The following MARCHF1 variants were observed in gnomAD, a reference collection of about 807,000 sequenced individuals.
MARCHF1 encodes membrane associated ring-CH-type finger 1.
MARCHF1 carries 40 observed loss-of-function variants against 54.2 expected under a neutral mutation model. The ratio of observed to expected loss-of-function variants is 0.74; its 90% CI spans 0.57 to 0.96. MARCHF1 has a LOEUF of 0.96. MARCHF1 is among the 40% of genes least tolerant of loss of function. The pLI is 0.00. For missense variants in MARCHF1, 586 were observed against 656.5 expected, an observed-to-expected ratio of 0.89 and a Z score of 1.17; for synonymous variants, 236 against 236.3, an observed-to-expected ratio of 1.00 and a Z score of 0.01.
intron 1 of MARCHF1, among the ~76,000 whole-genome samples, chr4:164,200,218 A>G (rs1026989839): frequency 1.3e-5 from 2 of 152,172 alleles, no homozygotes; most frequent in Non-Finnish European, 2.9e-5. Context: ...TCATCTTACA[A>G]TTTGGATTCC....
intron 3 of MARCHF1, among the ~76,000 whole-genome samples, chr4:163,943,439 T>A (rs1328795263): frequency 6.6e-6 from 1 of 152,120 alleles, no homozygotes; most frequent in Non-Finnish European, 1.5e-5. Context: ...ATCTATTGAA[T>A]AGGGAGTCTT....
At chr4:163,537,542 A>C (rs1303449471) in intron 9 of MARCHF1, among the ~76,000 whole-genome samples, 1 of 152,144 alleles carries the variant, frequency 6.6e-6, no homozygotes. Flanking sequence ...GCATCTGCTC[A>C]TTTATCTGAG....
intron 4 of MARCHF1, among the ~76,000 whole-genome samples, chr4:163,830,564 C>T (rs185783317): frequency 3.3e-5 from 5 of 152,170 alleles, no homozygotes; most frequent in South Asian, 2.1e-4. Context: ...GTAAAAACTG[C>T]TTTTCTCAGA....
chr4:163,648,727 G>A (rs574927871), intron 5 of MARCHF1, among the ~76,000 whole-genome samples: 25 of 150,534 alleles, frequency 1.7e-4, no homozygotes, highest in East Asian at 3.9e-4. Flanking sequence ...AAATAACAGC[G>A]TATATATAAA....
chr4:163,998,090 G>A (rs1289624094), intron 2 of MARCHF1, among the ~76,000 whole-genome samples: 2 of 150,230 alleles, frequency 1.3e-5, no homozygotes, highest in African/African-American at 4.9e-5. Flanking sequence ...AAAGGTGAGA[G>A]GGCATAAAAT....
intron 5 of MARCHF1, among the ~76,000 whole-genome samples, chr4:163,616,050 T>C (rs1027907600): frequency 2.0e-5 from 3 of 152,160 alleles, no homozygotes; most frequent in Non-Finnish European, 1.5e-5. Flanking sequence ...TATCTTTCAC[T>C]ATATATAAAA....
intron 3 of MARCHF1, among the ~76,000 whole-genome samples, chr4:163,974,101 C>G (rs750637890): frequency 6.6e-6 from 1 of 152,150 alleles, no homozygotes; most frequent in Non-Finnish European, 1.5e-5. Context: ...ATGAGAGTAC[C>G]TATGTGTGGT....
At chr4:164,065,457 A>C (rs1220377181) in intron 2 of MARCHF1, among the ~76,000 whole-genome samples, 1 of 152,206 alleles carries the variant, frequency 6.6e-6, no homozygotes, top group Non-Finnish European at 1.5e-5. Flanking sequence ...AATTAAACTA[A>C]AGAGCTTCCA....
intron 2 of MARCHF1, among the ~76,000 whole-genome samples, chr4:164,020,044 C>G (rs1033021417): frequency 6.6e-6 from 1 of 152,176 alleles, no homozygotes; most frequent in Non-Finnish European, 1.5e-5. Flanking sequence ...TTCAGAGAAG[C>G]AATCTTCCTT....
At chr4:163,576,156 A>C (rs1560951630) in intron 8 of MARCHF1, among the ~76,000 whole-genome samples, 2 of 151,344 alleles carry the variant, frequency 1.3e-5, no homozygotes, top group African/African-American at 2.4e-5. Flanking sequence ...GATCTTCCTA[A>C]TTTTTTGATG....
chr4:164,172,980 C>CA (rs35995273), intron 1 of MARCHF1, among the ~76,000 whole-genome samples: 45,992 of 127,714 alleles, frequency 0.36, 8,731 homozygotes, highest in Non-Finnish European at 0.43. Context: ...GACTCCGTCT[C>CA]AAAAAAAAAA....
chr4:163,990,421 G>A (rs1390969413), intron 2 of MARCHF1, among the ~76,000 whole-genome samples: 1 of 151,992 alleles, frequency 6.6e-6, no homozygotes, highest in Non-Finnish European at 1.5e-5. Flanking sequence ...AGTGCATCAC[G>A]AAAATAACCT....
chr4:163,792,858 G>A (rs1235800951), intron 4 of MARCHF1, among the ~76,000 whole-genome samples: 1 of 152,172 alleles, frequency 6.6e-6, no homozygotes, highest in Non-Finnish European at 1.5e-5. Flanking sequence ...GTGAAGCAGG[G>A]AAAAAACACT....
intron 5 of MARCHF1, among the ~76,000 whole-genome samples, chr4:163,679,517 C>A (rs898770731): frequency 1.3e-5 from 2 of 152,112 alleles, no homozygotes; most frequent in Non-Finnish European, 1.5e-5. Context: ...CATAAGTGAC[C>A]TTTTAAAGCA....
intron 4 of MARCHF1, among the ~76,000 whole-genome samples, chr4:163,728,913 G>A (rs1745747108): frequency 6.6e-6 from 1 of 152,156 alleles, no homozygotes; most frequent in Admixed American, 6.5e-5. Flanking sequence ...TCACCATTAA[G>A]TATGAGGTTA....
At chr4:163,731,408 A>G (rs529431904) in intron 4 of MARCHF1, among the ~76,000 whole-genome samples, 2 of 152,342 alleles carry the variant, frequency 1.3e-5, no homozygotes, top group African/African-American at 4.8e-5. Flanking sequence ...TCTACAAAGG[A>G]CATTGATTCT....
At chr4:164,024,842 A>G (rs1042972242) in intron 2 of MARCHF1, among the ~76,000 whole-genome samples, 3 of 152,126 alleles carry the variant, frequency 2.0e-5, no homozygotes, top group Admixed American at 6.5e-5. Context: ...CAATAGACCC[A>G]TCTCACATGT....
At chr4:163,761,343 T>C (rs1288490354) in intron 4 of MARCHF1, among the ~76,000 whole-genome samples, 1 of 152,196 alleles carries the variant, frequency 6.6e-6, no homozygotes, top group Non-Finnish European at 1.5e-5. Flanking sequence ...TATAAAATAG[T>C]AGAGAGCAAG....
intron 2 of MARCHF1, among the ~76,000 whole-genome samples, chr4:164,100,764 A>T (rs1325956588): frequency 6.6e-6 from 1 of 152,214 alleles, no homozygotes; most frequent in Admixed American, 6.5e-5. Context: ...AGGAGCCAAG[A>T]TGGCCGAATA....
Sources: allele counts gnomAD v4.1 joint callset (sites outside exome capture counted in the v4.1 genomes callset), GRCh38; gene constraint gnomAD v4.1.1; transcripts MANE v1.5; gene names NCBI Gene and HGNC (gene_info 2026-07-23, HGNC 2026-07-21).